The following RBM48 variants were observed in gnomAD, a reference collection of about 807,000 sequenced individuals.
The protein encoded by RBM48 is RNA binding motif protein 48.
In RBM48, 32 loss-of-function variants were observed where a neutral mutation model predicts 34.8. The ratio of observed to expected loss-of-function variants is 0.92; its 90% CI spans 0.69 to 1.23. The LOEUF (loss-of-function observed/expected upper bound fraction) is 1.23. Ranked by LOEUF, RBM48 falls within the 50% of genes most tolerant of loss-of-function variation. The probability of loss-of-function intolerance (pLI) is 0.00; values close to 1 mark genes in which losing one functional copy is unlikely to be tolerated. For missense variants in RBM48, 441 were observed against 447.2 expected, an observed-to-expected ratio of 0.99 and a Z score of 0.12; for synonymous variants, 151 against 156.2, an observed-to-expected ratio of 0.97 and a Z score of 0.25.
Position 92,536,853 on chromosome 7 carries a change from A to G in RBM48, c.1020A>G (p.Val340=). The change falls in exon 5 of 5, where the codon GTA becomes GTG. Residue 340 remains valine (V), a splice_region_variant and synonymous_variant. Coordinates refer to ENST00000265732, the MANE Select transcript of RBM48 (RefSeq NM_032120.4). The part of the protein sequence containing the change: ...ANLIRHKLKE[V]ISSVPKPPED... ...GGTTCTTTTTTTTTTTTAATTAGGT[A>G]ATTTCATCTGTGCCAAAGCCTCCAG... 6.3e-7 allele frequency: 1 copy of G among 1,579,504 alleles called. No individual in the cohort carries two copies. Among genetic ancestry groups the G allele is most frequent in the Non-Finnish European group, 8.6e-7 (1 of 1,168,638 alleles).
Position 92,534,448 on chromosome 7 carries a change from A to T in RBM48, c.495A>T (p.Thr165=), listed in dbSNP as rs962201958. The T allele has an allele frequency of 6.2e-7, 1 of 1,613,986 alleles. No homozygotes were observed. The highest frequency in any genetic ancestry group is 1.7e-5 in the Admixed American group (1 of 60,034). The stretch of plus-strand genomic sequence containing the variant: ...AATTGGTTACAGAGCATAAAGACAC[A>T]GAGGATTTTAGACAAGACTTCCACT... ...KKKLVTEHKD[T]EDFRQDFHSE... Residue 165 remains threonine, a synonymous_variant, in exon 4 of 5, where the codon ACA becomes ACT. Transcript: ENST00000265732.
chr7:92,533,142 G>A (rs1267304293), intron 3 of RBM48, among the ~76,000 whole-genome samples: 1 of 152,234 alleles, frequency 6.6e-6, no homozygotes, highest in Non-Finnish European at 1.5e-5. Flanking sequence ...TAGTGATGGA[G>A]AGAAATAAAG....
At chr7:92,533,127 CCA>C (rs1793616819) in intron 3 of RBM48, among the ~76,000 whole-genome samples, 1 of 152,176 alleles carries the variant, frequency 6.6e-6, no homozygotes, top group African/African-American at 2.4e-5. Flanking sequence ...GCCTGTTCTA[CCA>C]CATAGTGATG....
chr7:92,534,453 A>G lies in RBM48; in HGVS notation c.500A>G (p.Asp167Gly). The part of the protein sequence containing the change: ...KLVTEHKDTE[D>G]FRQDFHSEMS... ...GTTACAGAGCATAAAGACACAGAGG[A>G]TTTTAGACAAGACTTCCACTCAGAG... The change falls in exon 4 of 5, where the codon GAT becomes GGT. Residue 167 changes from aspartate (D) to glycine (G), a missense_variant. Physicochemically the swap from Asp to Gly is moderately conservative, Grantham distance 94. Transcript: ENST00000265732. 1 of 1,614,050 alleles carries G rather than the reference A, an allele frequency of 6.2e-7. No homozygotes were observed. Among genetic ancestry groups the G allele is most frequent in the Non-Finnish European group, 8.5e-7 (1 of 1,179,946 alleles).
rs1793775326 is a variant in RBM48, at chr7:92,538,373, CGGTT to C, written c.*1441_*1444del. 3.9e-5 allele frequency among the ~76,000 whole-genome samples: 6 copies of C among 152,088 alleles called. No homozygotes were observed. The South Asian group carries it at 1.2e-3, about 32-fold the overall frequency. On this transcript the variant is annotated 3_prime_UTR_variant, in exon 5 of 5. Coordinates refer to ENST00000265732, the MANE Select transcript of RBM48 (RefSeq NM_032120.4). The stretch of plus-strand genomic sequence containing the variant: ...TAACCTCAGGCCTGGTCAGTGGCGT[CGGTT>C]GGTTTTGCCACTGGCTCCATTCCTG...
chr7:92,535,277 A>G, intron 4 of RBM48: 1 of 1,269,420 alleles, frequency 7.9e-7, no homozygotes, highest in African/African-American at 1.5e-5. Context: ...TTTTGTTAAA[A>G]GCTCCCCAGG....
rs1468358904 is a variant in RBM48 at position 92,532,672 on chromosome 7, GA to G, written c.448+125del. The G allele has an allele frequency of 1.6e-5, 11 of 677,568 alleles. No homozygotes were observed. In the Admixed American group the frequency reaches 2.9e-4, roughly 18 times the overall value. The allele number at this position is 677,568 out of a possible 1,614,324, so 42.0% of individuals were successfully genotyped here. A position where few individuals can be genotyped will look rare whatever the true frequency, so the allele number is the denominator to read the frequency against. On this transcript the variant is annotated intron_variant, in intron 3 of 4. Transcript: ENST00000265732. ...AACCATCACAGTATTCAGTAACTGT[GA>G]ACCACAGGGTTCTCTGCAGCACACT...
chr7:92,535,138 T>C, intron 4 of RBM48, 168 bp downstream of exon 4: 1 of 1,445,028 alleles, frequency 6.9e-7, no homozygotes, highest in Non-Finnish European at 9.1e-7. Context: ...AACATTTTAT[T>C]TGCTTTAAAC....
At chr7:92,529,359 C>A in intron 1 of RBM48, 117 bp from the exon 2 acceptor site, 1 of 632,438 alleles carries the variant, frequency 1.6e-6, no homozygotes, top group Non-Finnish European at 2.7e-6. Flanking sequence ...TGTTCTTTTG[C>A]TGACTGGGTT....
rs1429280295 is a variant in RBM48 at position 92,532,519 on chromosome 7, G to T, written c.418G>T (p.Ala140Ser). 3 of 1,612,800 alleles carry T rather than the reference G, an allele frequency of 1.9e-6. No individual in the cohort carries two copies. The highest frequency in any genetic ancestry group is 1.7e-5 in the Admixed American group (1 of 59,910). The part of the protein sequence containing the change: ...ETRKKLQMRK[A>S]YVVKTTENKD... ...TAGAAAAAAACTACAAATGCGGAAG[G>T]CATATGTAGTAAAAACTACTGAAAA... The change falls in exon 3 of 5, where the codon GCA (alanine) becomes TCA (serine). Residue 140 changes from alanine (A) to serine (S), a missense_variant. Coordinates refer to ENST00000265732, the MANE Select transcript of RBM48 (RefSeq NM_032120.4).
Position 92,536,881 on chromosome 7 carries a change from G to A in RBM48, c.1048G>A (p.Asp350Asn). 1 of 1,607,688 alleles carries A rather than the reference G, an allele frequency of 6.2e-7. No individual in the cohort carries two copies. Among genetic ancestry groups the A allele is most frequent in the Non-Finnish European group, 8.5e-7 (1 of 1,177,678 alleles). ...TTCATCTGTGCCAAAGCCTCCAGAG[G>A]ACAAGCCAGAAGATGTACATACAAG... ...VISSVPKPPEDKPEDVHTSHP... is the reference protein window; with the variant it reads ...VISSVPKPPENKPEDVHTSHP... The change falls in exon 5 of 5, where the codon GAC (aspartate) becomes AAC (asparagine). Residue 350 changes from aspartate to asparagine, a missense_variant. Asp to Asn is a conservative substitution (Grantham distance 23). Coordinates refer to ENST00000265732, the MANE Select transcript of RBM48 (RefSeq NM_032120.4).
intron 3 of RBM48, among the ~76,000 whole-genome samples, chr7:92,534,018 G>A (rs1014256879): frequency 1.3e-5 from 2 of 148,624 alleles, no homozygotes; most frequent in Non-Finnish European, 3.0e-5. Context: ...AAAAACCTCT[G>A]TAAGATCTAC....
At position 92,540,447 on chromosome 7, in the gene RBM48, A is replaced by G. The variant is rs1427583466; in HGVS notation, c.*3510A>G. The G allele has an allele frequency of 2.6e-5, 4 of 152,234 alleles. No homozygotes were observed. Among genetic ancestry groups the G allele is most frequent in the Non-Finnish European group, 4.4e-5 (3 of 68,034 alleles). 9.4% of individuals were successfully genotyped at this position (152,234 alleles called of 1,614,324 possible). The stretch of plus-strand genomic sequence containing the variant: ...TAGCTCTCTAGACTAAAAAAATTTT[A>G]CCAAATAAAAGTTCACACTTCTGTA... On this transcript the variant is annotated 3_prime_UTR_variant, in exon 5 of 5. Coordinates refer to ENST00000265732, the MANE Select transcript of RBM48 (RefSeq NM_032120.4).
chr7:92,536,304 T>C (rs1400221231), intron 4 of RBM48: 11 of 978,138 alleles, frequency 1.1e-5, no homozygotes, highest in Non-Finnish European at 1.3e-5. Flanking sequence ...AAAAAAGATA[T>C]TAAATACAGT....
chr7:92,536,053 C>A, intron 4 of RBM48: 1 of 541,596 alleles, frequency 1.8e-6, no homozygotes, highest in Non-Finnish European at 2.4e-6. Flanking sequence ...GTACTTGAGT[C>A]TGGGAGGCGG....
rs376908850 is a variant in RBM48, at chr7:92,534,595, C to G, written c.642C>G (p.Ser214=). 1.9e-6 allele frequency: 3 copies of G among 1,614,070 alleles called. No individual in the cohort carries two copies. The East Asian group carries it at 6.7e-5, about 36-fold the overall frequency. Residue 214 remains serine, a synonymous_variant, in exon 4 of 5, where the codon TCC becomes TCG. Transcript: ENST00000265732. ...TCTCCTCAAAATGTATGTGTTCATC[C>G]GGGGGACCTGTAGACAGAGCACCAG... ...CYFSSKCMCS[S]GGPVDRAPDS...
rs1167665007 is a variant in RBM48, at chr7:92,537,141, G to A, written c.*204G>A. On this transcript the variant is annotated 3_prime_UTR_variant, in exon 5 of 5. Coordinates refer to ENST00000265732, the MANE Select transcript of RBM48 (RefSeq NM_032120.4). ...TCTGTTGCCCAGGCTGGAATGCAGT[G>A]GCGTGATCTCGGCTCACTGCAACCT... 1.1e-5 allele frequency: 4 copies of A among 374,258 alleles called. No homozygotes were observed. The highest frequency in any genetic ancestry group is 4.3e-5 in the African/African-American group (2 of 46,196). 23.2% of individuals were successfully genotyped at this position (374,258 alleles called of 1,614,324 possible). A position where few individuals can be genotyped will look rare whatever the true frequency, so the allele number is the denominator to read the frequency against.
chr7:92,536,030 C>A, intron 4 of RBM48: 1 of 429,112 alleles, frequency 2.3e-6, no homozygotes, highest in Non-Finnish European at 3.1e-6. Flanking sequence ...ACTTGGGAAG[C>A]TTAGGTGGAA....
In RBM48 at chr7:92,535,415, G is replaced by A. The variant is rs938181235; in HGVS notation, c.1017+445G>A. ...GCTTTTGTGATAAAGAGCAATAGAA[G>A]GTGGTGAGATTTCTAAAAATTAGGC... is the stretch of plus-strand genomic sequence containing the variant. On this transcript the variant is annotated intron_variant, in intron 4 of 4. Transcript: ENST00000265732. 6 of 1,018,690 alleles carry A rather than the reference G, an allele frequency of 5.9e-6. No homozygotes were observed. In the African/African-American group the frequency reaches 1.0e-4, roughly 17 times the overall value. The allele number at this position is 1,018,690 out of a possible 1,614,324, so 63.1% of individuals were successfully genotyped here. A position where few individuals can be genotyped will look rare whatever the true frequency, so the allele number is the denominator to read the frequency against.
Sources: allele counts gnomAD v4.1 joint callset (sites outside exome capture counted in the v4.1 genomes callset), GRCh38; gene constraint gnomAD v4.1.1; transcripts MANE v1.5; gene names NCBI Gene and HGNC (gene_info 2026-07-23, HGNC 2026-07-21).